ARHGAP18: variants seen among roughly 807,000 people sequenced by gnomAD.
The protein encoded by ARHGAP18 is Rho GTPase activating protein 18.
ARHGAP18 carries 67 observed loss-of-function variants against 86.2 expected under a neutral mutation model. The observed-to-expected ratio is 0.78, with a 90% CI of 0.64 to 0.95. ARHGAP18 has a LOEUF of 0.95. Ranked by LOEUF, ARHGAP18 falls within the 40% of genes least tolerant of loss-of-function variation. ARHGAP18 has a pLI of 0.00. For missense variants in ARHGAP18, 691 were observed against 780.4 expected (o/e 0.89, Z 1.37); for synonymous variants, 283 against 280.4 (o/e 1.01, Z -0.09).
intron 10 of ARHGAP18, among the ~76,000 whole-genome samples, chr6:129,605,422 A>G (rs951803393): frequency 3.3e-5 from 5 of 152,200 alleles, no homozygotes; most frequent in Non-Finnish European, 5.9e-5. Context: ...GACTCACTTC[A>G]AAATCTACCA....
At chr6:129,631,776 G>A (rs1000544210) in intron 4 of ARHGAP18, among the ~76,000 whole-genome samples, 2 of 143,200 alleles carry the variant, frequency 1.4e-5, no homozygotes, top group African/African-American at 5.2e-5. Context: ...AAAAAAAAAA[G>A]ATTTTTCTTT....
At chr6:129,655,217 G>A (rs1029525622) in intron 1 of ARHGAP18, among the ~76,000 whole-genome samples, 10 of 151,366 alleles carry the variant, frequency 6.6e-5, no homozygotes, top group Non-Finnish European at 1.5e-4. Flanking sequence ...TACTCGGGAG[G>A]CTGAGGCAGG....
intron 1 of ARHGAP18, among the ~76,000 whole-genome samples, chr6:129,680,717 A>T (rs1310883930): frequency 6.6e-6 from 1 of 152,262 alleles, no homozygotes; most frequent in Non-Finnish European, 1.5e-5. Context: ...GAACTGGAAG[A>T]GTAACATGGC....
chr6:129,633,190 G>A (rs562727701), intron 4 of ARHGAP18, among the ~76,000 whole-genome samples: 2 of 151,644 alleles, frequency 1.3e-5, no homozygotes, highest in East Asian at 1.9e-4. Flanking sequence ...CACTTTGGGA[G>A]GCCCAGGCAG....
intron 12 of ARHGAP18, among the ~76,000 whole-genome samples, chr6:129,594,003 G>A (rs919154426): frequency 3.9e-5 from 6 of 151,912 alleles, no homozygotes; most frequent in Admixed American, 3.9e-4. Context: ...TTTTAACAGG[G>A]GTGTCACTGT....
Position 129,698,041 on chromosome 6 carries a change from T to C in ARHGAP18, c.113+11983A>G, listed in dbSNP as rs192571317. Among the ~76,000 whole-genome samples, 402 of 152,316 alleles carry C rather than the reference T, an allele frequency of 2.6e-3. 1 individual carries two copies. Among genetic ancestry groups the C allele is most frequent in the Admixed American group, 6.1e-3 (93 of 15,306 alleles). ...TACCTTTTCTTACTCAAACTTAATC[T>C]CAATTACTCAACTACAAATTCTTTG... On this transcript the variant is annotated intron_variant, in intron 1 of 14. Coordinates refer to ENST00000368149, the MANE Select transcript of ARHGAP18 (RefSeq NM_033515.3).
rs201316332 is a variant in ARHGAP18 at position 129,701,776 on chromosome 6, AAAAAAAC to A, written c.113+8241_113+8247del. Among the ~76,000 whole-genome samples, 836 of 152,248 alleles carry A rather than the reference AAAAAAAC, an allele frequency of 5.5e-3. 5 individuals are homozygous for A. The highest frequency in any genetic ancestry group is 0.018 in the African/African-American group (737 of 41,516). On this transcript the variant is annotated intron_variant, in intron 1 of 14. Coordinates refer to ENST00000368149, the MANE Select transcript of ARHGAP18 (RefSeq NM_033515.3). Reference sequence around the variant, plus strand: ...CAGAGCGAGATTCCATCTCAAATAAAAAAAAACAAAAAACAAAAAACTGAAATTAGGA... The same window carrying A: ...CAGAGCGAGATTCCATCTCAAATAAAAAAAAACAAAAAACTGAAATTAGGA...
rs1211903763 is a variant in ARHGAP18 at position 129,663,712 on chromosome 6, A to C, written c.114-21694T>G. Among the ~76,000 whole-genome samples, 8 of 152,352 alleles carry C rather than the reference A, an allele frequency of 5.3e-5. 1 individual carries two copies. The East Asian group carries it at 1.5e-3, about 29-fold the overall frequency. ...GGCAATAAATACTCTTTTATTGTTA[A>C]TTATTTTCACTCTGTGAACTTTGAC... On this transcript the variant is annotated intron_variant, in intron 1 of 14. Coordinates refer to ENST00000368149, the MANE Select transcript of ARHGAP18 (RefSeq NM_033515.3).
intron 3 of ARHGAP18, among the ~76,000 whole-genome samples, chr6:129,635,919 C>T (rs376508662): frequency 1.3e-5 from 2 of 152,184 alleles, no homozygotes; most frequent in East Asian, 3.8e-4. Context: ...TGTGACACTG[C>T]CAGAAACTTG....
At chr6:129,656,408 C>T (rs1037784617) in intron 1 of ARHGAP18, among the ~76,000 whole-genome samples, 1 of 152,130 alleles carries the variant, frequency 6.6e-6, no homozygotes, top group African/African-American at 2.4e-5. Context: ...CTTTGGGAGG[C>T]CCAGGCGGTG....
intron 5 of ARHGAP18, among the ~76,000 whole-genome samples, chr6:129,625,743 TTATA>T (rs1562698192): frequency 2.4e-5 from 1 of 42,154 alleles, no homozygotes; most frequent in Non-Finnish European, 4.7e-5. Flanking sequence ...TATTATATAT[TTATA>T]TATTATATAT....
At chr6:129,627,492 T>C (rs1192878740) in intron 5 of ARHGAP18, among the ~76,000 whole-genome samples, 3 of 152,056 alleles carry the variant, frequency 2.0e-5, no homozygotes, top group Non-Finnish European at 4.4e-5. Flanking sequence ...TCTGATCAAT[T>C]TAAAGTCAAC....
chr6:129,580,486 T>C (rs900508655), intron 13 of ARHGAP18, among the ~76,000 whole-genome samples: 2 of 152,230 alleles, frequency 1.3e-5, no homozygotes, highest in Non-Finnish European at 2.9e-5. Flanking sequence ...CATAAAACTA[T>C]TAAATGTTTC....
intron 2 of ARHGAP18, among the ~76,000 whole-genome samples, chr6:129,641,005 TG>T (rs1562706301): frequency 6.6e-6 from 1 of 152,174 alleles, no homozygotes. Flanking sequence ...ATGGGAAATA[TG>T]GCTGGAAAGT....
rs752134236 is a variant in ARHGAP18, at chr6:129,580,062, G to T, written c.1900+8C>A. The stretch of plus-strand genomic sequence containing the variant: ...ATATAAAATGTAAAGAGAAAAAAAA[G>T]TGCTTACCAATATTTCCTCCAATTT... On this transcript the variant is annotated splice_region_variant and intron_variant, in intron 14 of 14. Transcript: ENST00000368149. The T allele has an allele frequency of 6.2e-7, 1 of 1,605,878 alleles. No individual in the cohort carries two copies. The highest frequency in any genetic ancestry group is 1.1e-5 in the South Asian group (1 of 90,556).
intron 1 of ARHGAP18, among the ~76,000 whole-genome samples, chr6:129,699,473 A>G (rs1488112216): frequency 6.6e-6 from 1 of 152,226 alleles, no homozygotes; most frequent in Non-Finnish European, 1.5e-5. Context: ...ACTTAGTTGA[A>G]GATTTTATTT....
chr6:129,638,539 AAC>A lies in ARHGAP18; in HGVS notation c.405_406del (p.Leu137IlefsTer33). Reference sequence around the variant, plus strand: ...CTGGGTCCGCGTCAATGTTGATAAAAACACAATGCTTTCCTGTGGATCTCCAG... The same window carrying A: ...CTGGGTCCGCGTCAATGTTGATAAAAACAATGCTTTCCTGTGGATCTCCAG... On this transcript the variant is annotated frameshift_variant, in exon 3 of 15. Transcript: ENST00000368149. LOFTEE classifies it high-confidence loss of function. 6.2e-7 allele frequency: 1 copy of A among 1,614,148 alleles called. No individual in the cohort carries two copies. The highest frequency in any genetic ancestry group is 8.5e-7 in the Non-Finnish European group (1 of 1,180,016).
intron 1 of ARHGAP18, among the ~76,000 whole-genome samples, chr6:129,695,038 A>T (rs1220115577): frequency 6.6e-6 from 1 of 152,176 alleles, no homozygotes; most frequent in Non-Finnish European, 1.5e-5. Context: ...AAAATGTACA[A>T]TTTTTAACAT....
intron 1 of ARHGAP18, among the ~76,000 whole-genome samples, chr6:129,657,790 A>T (rs183356655): frequency 4.6e-5 from 7 of 152,324 alleles, no homozygotes; most frequent in Admixed American, 2.0e-4. Context: ...TGCATAATTC[A>T]TTATGCCATT....
Sources: allele counts gnomAD v4.1 joint callset (sites outside exome capture counted in the v4.1 genomes callset), GRCh38; gene constraint gnomAD v4.1.1; transcripts MANE v1.5; gene names NCBI Gene and HGNC (gene_info 2026-07-23, HGNC 2026-07-21).